The following SLC9A2 variants were observed in gnomAD, a reference collection of about 807,000 sequenced individuals.
SLC9A2 encodes the protein sodium/hydrogen exchanger 2.
A neutral mutation model predicts 71.7 loss-of-function variants in SLC9A2; 42 were observed. That is an observed-to-expected ratio of 0.59 (90% confidence interval 0.46 to 0.76). SLC9A2 has a LOEUF of 0.76. SLC9A2 is among the 30% of genes least tolerant of loss of function. The pLI, the probability that SLC9A2 is intolerant of heterozygous loss-of-function variation, is 0.00. For missense variants in SLC9A2, 829 were observed against 1,017.4 expected (o/e 0.81, Z 2.52); for synonymous variants, 396 against 392.5 (o/e 1.01, Z -0.10).
At chr2:102,690,877 G>C (rs544894275) in intron 5 of SLC9A2, among the ~76,000 whole-genome samples, 37 of 149,102 alleles carry the variant, frequency 2.5e-4, no homozygotes, top group African/African-American at 8.9e-4. Context: ...CTGATAATCA[G>C]CAAGGAAATA....
chr2:102,686,960 C>A (rs976969394), intron 5 of SLC9A2, among the ~76,000 whole-genome samples: 1 of 152,064 alleles, frequency 6.6e-6, no homozygotes, highest in African/African-American at 2.4e-5. Flanking sequence ...ATGTATTAGC[C>A]GAATTTGGTA....
intron 1 of SLC9A2, among the ~76,000 whole-genome samples, chr2:102,637,197 G>A (rs1248411332): frequency 6.6e-6 from 1 of 152,162 alleles, no homozygotes; most frequent in African/African-American, 2.4e-5. Flanking sequence ...CAGGAAACTG[G>A]AGTCCCAGAG....
intron 7 of SLC9A2, among the ~76,000 whole-genome samples, chr2:102,699,266 T>C (rs896008795): frequency 1.3e-5 from 2 of 151,978 alleles, no homozygotes; most frequent in Non-Finnish European, 1.5e-5. Context: ...GTAGAAGGAA[T>C]AGTAAGTATA....
chr2:102,661,757 G>T (rs1677053250), intron 2 of SLC9A2, among the ~76,000 whole-genome samples: 1 of 152,120 alleles, frequency 6.6e-6, no homozygotes, highest in Non-Finnish European at 1.5e-5. Context: ...TTAGTACATA[G>T]GTATCACTGA....
chr2:102,664,639 G>C (rs990228509), intron 2 of SLC9A2, among the ~76,000 whole-genome samples: 3 of 152,042 alleles, frequency 2.0e-5, no homozygotes, highest in Non-Finnish European at 4.4e-5. Flanking sequence ...GTCCTGATGC[G>C]TAGGTCCCTT....
intron 3 of SLC9A2, among the ~76,000 whole-genome samples, chr2:102,669,449 A>T (rs1376976225): frequency 2.0e-5 from 3 of 152,182 alleles, no homozygotes; most frequent in African/African-American, 7.2e-5. Context: ...GTGTGTGTGC[A>T]TATGCCTGTG....
intron 1 of SLC9A2, among the ~76,000 whole-genome samples, chr2:102,626,627 GA>G (rs1203110030): frequency 6.6e-6 from 1 of 152,172 alleles, no homozygotes; most frequent in Non-Finnish European, 1.5e-5. Flanking sequence ...CCATCAGAGT[GA>G]ACAGGCAACC....
intron 1 of SLC9A2, among the ~76,000 whole-genome samples, chr2:102,629,568 TATA>T (rs1403962531): frequency 1.3e-5 from 2 of 152,168 alleles, no homozygotes; most frequent in Non-Finnish European, 2.9e-5. Context: ...ACTTATTGTG[TATA>T]ATGATATATT....
At chr2:102,683,501 C>T in intron 4 of SLC9A2, 23 bp downstream of exon 4, 1 of 1,572,954 alleles carries the variant, frequency 6.4e-7, no homozygotes, top group African/African-American at 1.3e-5. Flanking sequence ...TGTTTGCTAA[C>T]TGGACATATG....
At chr2:102,695,360 C>T (rs987053752) in intron 7 of SLC9A2, among the ~76,000 whole-genome samples, 3 of 152,132 alleles carry the variant, frequency 2.0e-5, no homozygotes, top group Non-Finnish European at 2.9e-5. Context: ...GAGGTTTACT[C>T]CAAGACTCCC....
chr2:102,654,915 A>G (rs567518593), intron 1 of SLC9A2, among the ~76,000 whole-genome samples: 3 of 152,350 alleles, frequency 2.0e-5, no homozygotes, highest in African/African-American at 7.2e-5. Flanking sequence ...AGACATAGAA[A>G]AGGCATCATA....
intron 1 of SLC9A2, among the ~76,000 whole-genome samples, chr2:102,640,620 T>C (rs1676556462): frequency 6.6e-6 from 1 of 152,142 alleles, no homozygotes; most frequent in African/African-American, 2.4e-5. Context: ...AGCTTCTATT[T>C]CCTCTCAGCA....
At chr2:102,636,138 C>T (rs545177777) in intron 1 of SLC9A2, among the ~76,000 whole-genome samples, 1 of 152,258 alleles carries the variant, frequency 6.6e-6, no homozygotes, top group East Asian at 1.9e-4. Flanking sequence ...CTTTAAAATA[C>T]ACATCCCAAT....
Position 102,621,973 on chromosome 2 carries a change from C to T in SLC9A2, c.289+1836C>T, listed in dbSNP as rs1010815956. 1.7e-4 allele frequency among the ~76,000 whole-genome samples: 26 copies of T among 151,986 alleles called. 1 individual carries two copies. Among genetic ancestry groups the T allele is most frequent in the African/African-American group, 4.8e-4 (20 of 41,360 alleles). ...AGGGTGGAAGTTGTGGTAGGTAAAC[C>T]GGAAGCAAATCTTCATGCCAGATAA... On this transcript the variant is annotated intron_variant, in intron 1 of 11. Transcript: ENST00000233969.
chr2:102,636,693 T>C (rs1676475206), intron 1 of SLC9A2, among the ~76,000 whole-genome samples: 1 of 152,216 alleles, frequency 6.6e-6, no homozygotes, highest in Non-Finnish European at 1.5e-5. Flanking sequence ...ATTTAACATC[T>C]AGCCTGGGGC....
chr2:102,625,615 C>G (rs1402621563), intron 1 of SLC9A2, among the ~76,000 whole-genome samples: 1 of 152,070 alleles, frequency 6.6e-6, no homozygotes, highest in African/African-American at 2.4e-5. Context: ...ATGATGGTTT[C>G]CAGCTTCATC....
chr2:102,631,974 C>T (rs921878731), intron 1 of SLC9A2, among the ~76,000 whole-genome samples: 1 of 129,790 alleles, frequency 7.7e-6, no homozygotes, highest in African/African-American at 2.9e-5. Context: ...TTGGTTCTTC[C>T]ATTTAATTAA....
At chr2:102,697,188 C>T (rs1397044807) in intron 7 of SLC9A2, among the ~76,000 whole-genome samples, 1 of 152,162 alleles carries the variant, frequency 6.6e-6, no homozygotes, top group African/African-American at 2.4e-5. Flanking sequence ...TCTAGTGCTC[C>T]TCTGCCTCCC....
At chr2:102,656,896 C>T (rs916293850) in intron 1 of SLC9A2, among the ~76,000 whole-genome samples, 1 of 152,132 alleles carries the variant, frequency 6.6e-6, no homozygotes, top group Non-Finnish European at 1.5e-5. Flanking sequence ...TTTTAGAAAT[C>T]ACTGAATTGT....
Sources: gnomAD v4.1 joint callset for allele counts (sites outside exome capture counted in the v4.1 genomes callset) on GRCh38, gnomAD v4.1.1 for gene constraint, MANE v1.5 for transcripts, NCBI Gene and HGNC (gene_info 2026-07-23, HGNC 2026-07-21) for gene names.